EPS8L2: variants seen among roughly 807,000 people sequenced by gnomAD.
The protein encoded by EPS8L2 is EPS8 signaling adaptor L2, also known as epidermal growth factor receptor kinase substrate 8-like protein 2.
In EPS8L2, 81 loss-of-function variants were observed where a neutral mutation model predicts 99.4. The observed-to-expected ratio is 0.82, with a 90% confidence interval of 0.68 to 0.98. The LOEUF (loss-of-function observed/expected upper bound fraction) is 0.98, where lower values mean the gene tolerates loss of function less well. Ranked by LOEUF, EPS8L2 falls within the 50% of genes least tolerant of loss-of-function variation. EPS8L2 has a pLI of 0.00. For synonymous variants in EPS8L2, 509 were observed against 407.3 expected, an observed-to-expected ratio of 1.25 and a Z score of -3.01; for missense variants, 1,155 against 968.8, an observed-to-expected ratio of 1.19 and a Z score of -2.55.
At chr11:718,814 G>A (rs1262803131) in intron 4 of EPS8L2, among the ~76,000 whole-genome samples, 14 of 151,330 alleles carry the variant, frequency 9.3e-5, no homozygotes, top group South Asian at 6.3e-4. Context: ...GACTATAGGC[G>A]CCTGCCACCA....
Position 724,634 on chromosome 11 carries a change from C to T in EPS8L2, c.1455-90C>T. 1.2e-6 allele frequency: 1 copy of T among 859,358 alleles called. No individual in the cohort carries two copies. Among genetic ancestry groups the T allele is most frequent in the Middle Eastern group, 2.3e-4 (1 of 4,414 alleles). 53.2% of individuals were successfully genotyped at this position (859,358 alleles called of 1,614,324 possible). ...AACAGAAAAGAGGCAGCCAGTCGTG[C>T]ACCTGGGAAGCTGCTGCCCCCCAGC... On this transcript the variant is annotated intron_variant, in intron 15 of 20. Coordinates refer to ENST00000318562, the MANE Select transcript of EPS8L2 (RefSeq NM_022772.4). The surrounding 1 kb of genome is among the most constrained non-coding windows in gnomAD (Gnocchi z 5.5).
Position 722,799 on chromosome 11 carries a change from C to T in EPS8L2, c.1335C>T (p.Ile445=), listed in dbSNP as rs1455851809. The change falls in exon 14 of 21, where the codon ATC becomes ATT. Residue 445 remains isoleucine, a synonymous_variant. Transcript: ENST00000318562. ...WEVEGLASAP[I]EEVSPVSRQS... ...TGGAGGGGCTGGCGTCTGCCCCCAT[C>T]GAGGAGGTGAGAGCACCAGCAGCCC... 95 of 1,573,366 alleles carry T rather than the reference C, an allele frequency of 6.0e-5. No homozygotes were observed. The highest frequency in any genetic ancestry group is 1.7e-4 in the Middle Eastern group (1 of 5,838).
At chr11:709,800 C>G (rs139820262) in intron 3 of EPS8L2, 192 bp downstream of exon 3, 5 of 625,888 alleles carry the variant, frequency 8.0e-6, no homozygotes, top group Non-Finnish European at 1.4e-5. Flanking sequence ...CCCCCACACC[C>G]GTAAGGGGAG....
intron 4 of EPS8L2, 99 bp from the exon 5 acceptor site, chr11:719,963 T>TGGCTGTGGCCCCTCAGCCCCTCA: frequency 1.6e-6 from 2 of 1,228,346 alleles, no homozygotes; most frequent in South Asian, 3.0e-5. Context: ...TACCCAGGGT[T>TGGCTGTGGCCCCTCAGCCCCTCA]GGCTGTGGCC....
At position 726,667 on chromosome 11, in the gene EPS8L2, C is replaced by T. The variant is rs1238981552; in HGVS notation, c.1983C>T (p.Leu661=). 2.5e-6 allele frequency: 4 copies of T among 1,570,342 alleles called. No homozygotes were observed. The highest frequency in any genetic ancestry group is 1.9e-5 in the Admixed American group (1 of 52,850). ...TGACCGGGCCGCAGCTCTTCTCCCT[C>T]AACAAGGAGGAGCTGAAGAAAGTGT... is the stretch of plus-strand genomic sequence containing the variant. ...GILTGPQLFS[L]NKEELKKVCG... is the part of the protein sequence containing the mutation. The change falls in exon 20 of 21, where the codon CTC becomes CTT. Residue 661 remains leucine (L), a synonymous_variant. Transcript: ENST00000318562.
rs756437745 is a variant in EPS8L2 at position 726,936 on chromosome 11, G to C, written c.2103G>C (p.Met701Ile). ...GTGGGTCGGAGCTGGAAGAACTCAT[G>C]AACAAGTTTCATTCCATGAATCAGA... The part of the protein sequence containing the change: ...QQSGSELEEL[M>I]NKFHSMNQRR... Residue 701 changes from methionine (M) to isoleucine (I), a missense_variant, in exon 21 of 21, where the codon ATG (methionine) becomes ATC (isoleucine). By Grantham distance (10) the Met-to-Ile change is conservative. Transcript: ENST00000318562. 1 of 1,613,446 alleles carries C rather than the reference G, an allele frequency of 6.2e-7. No homozygotes were observed. The highest frequency in any genetic ancestry group is 8.5e-7 in the Non-Finnish European group (1 of 1,179,928).
rs778268694 is a variant in EPS8L2, at chr11:724,682, A to T, written c.1455-42A>T. 1 of 1,429,572 alleles carries T rather than the reference A, an allele frequency of 7.0e-7. No homozygotes were observed. Among genetic ancestry groups the T allele is most frequent in the East Asian group, 2.3e-5 (1 of 43,988 alleles). The allele number at this position is 1,429,572 out of a possible 1,614,324, so 88.6% of individuals were successfully genotyped here. On this transcript the variant is annotated intron_variant, in intron 15 of 20. Coordinates refer to ENST00000318562, the MANE Select transcript of EPS8L2 (RefSeq NM_022772.4). The surrounding 1 kb of genome is among the most constrained non-coding windows in gnomAD (Gnocchi z 5.5). Reference sequence around the variant, plus strand: ...AGCCACTGCCCAGGTCTCAGAGGAGACCCCCACCAGACTGGGCCTCAGCCC... The same window carrying T: ...AGCCACTGCCCAGGTCTCAGAGGAGTCCCCCACCAGACTGGGCCTCAGCCC...
At chr11:719,822 C>G (rs72844768) in intron 4 of EPS8L2, among the ~76,000 whole-genome samples, 1 of 152,106 alleles carries the variant, frequency 6.6e-6, no homozygotes, top group Non-Finnish European at 1.5e-5. Flanking sequence ...GATGGTGGCG[C>G]GGGGCCGGGC....
intron 1 of EPS8L2, among the ~76,000 whole-genome samples, chr11:707,101 G>A (rs1429737385): frequency 1.3e-5 from 2 of 151,532 alleles, no homozygotes; most frequent in African/African-American, 2.4e-5. Flanking sequence ...AGGCCCAGCT[G>A]GCGGCGGCCC....
At chr11:710,370 G>C in intron 3 of EPS8L2, 52 bp from the exon 4 acceptor site, 1 of 1,577,194 alleles carries the variant, frequency 6.3e-7, no homozygotes, top group Non-Finnish European at 8.7e-7. Context: ...CAACTGGACG[G>C]GAGGCTGTGG....
In EPS8L2 at chr11:706,256, G is replaced by A. The variant is rs1048394925; in HGVS notation, c.-111G>A. 1 of 152,058 alleles carries A rather than the reference G, an allele frequency of 6.6e-6. No individual in the cohort carries two copies. Among genetic ancestry groups the A allele is most frequent in the Non-Finnish European group, 1.5e-5 (1 of 67,974 alleles). The allele number at this position is 152,058 out of a possible 1,614,324, so 9.4% of individuals were successfully genotyped here. A position where few individuals can be genotyped will look rare whatever the true frequency, so the allele number is the denominator to read the frequency against. Reference sequence around the variant, plus strand: ...AGACGGACGCACCGGCGAGCGCCGAGGGGACAGGCCGAGCGCGGGGCGCCG... The same window carrying A: ...AGACGGACGCACCGGCGAGCGCCGAAGGGACAGGCCGAGCGCGGGGCGCCG... On this transcript the variant is annotated 5_prime_UTR_variant, in exon 1 of 21. Coordinates refer to ENST00000318562, the MANE Select transcript of EPS8L2 (RefSeq NM_022772.4).
intron 4 of EPS8L2, among the ~76,000 whole-genome samples, chr11:717,946 T>C (rs1262089818): frequency 6.6e-6 from 1 of 151,400 alleles, no homozygotes; most frequent in Non-Finnish European, 1.5e-5. Flanking sequence ...GAGGCGGAGA[T>C]TGCAGTGAGC....
intron 4 of EPS8L2, among the ~76,000 whole-genome samples, chr11:715,289 G>C (rs1187434768): frequency 1.3e-5 from 2 of 151,880 alleles, no homozygotes; most frequent in Non-Finnish European, 2.9e-5. Context: ...TTCTTCCTTA[G>C]ATATTTGTTA....
chr11:726,575 C>A, intron 19 of EPS8L2, 44 bp from the exon 20 acceptor site: 1 of 1,522,336 alleles, frequency 6.6e-7, no homozygotes, highest in Non-Finnish European at 8.8e-7. Flanking sequence ...CGCCAGGCAG[C>A]CTCGCTCACA....
At chr11:723,438 C>CA (rs1862242964) in intron 15 of EPS8L2, 85 bp downstream of exon 15, 1 of 560,376 alleles carries the variant, frequency 1.8e-6, no homozygotes, top group Non-Finnish European at 3.1e-6. Flanking sequence ...ACGCTGCCAC[C>CA]AGGTGGTGGC....
Position 723,370 on chromosome 11 carries a change from G to T in EPS8L2, c.1454+17G>T. On this transcript the variant is annotated intron_variant, in intron 15 of 20. Transcript: ENST00000318562. ...TACTCACAGGTAAGCCCCCCTCAAA[G>T]TGAGGGAGCATGAAAGTGAAACCCT... The T allele has an allele frequency of 2.5e-6, 3 of 1,176,654 alleles. No homozygotes were observed. The highest frequency in any genetic ancestry group is 3.6e-6 in the Non-Finnish European group (3 of 829,374). The allele number at this position is 1,176,654 out of a possible 1,614,324, so 72.9% of individuals were successfully genotyped here. A position where few individuals can be genotyped will look rare whatever the true frequency, so the allele number is the denominator to read the frequency against.
In EPS8L2 at chr11:719,691, G is replaced by A. The variant is rs11827550; in HGVS notation, c.166-371G>A. ...TTAGGGCAGGTCGGGATGGGGTGACGGCTGGCATTGTAGCCAGGTGGCCAC... is the reference window on the plus strand; with the variant it reads ...TTAGGGCAGGTCGGGATGGGGTGACAGCTGGCATTGTAGCCAGGTGGCCAC... On this transcript the variant is annotated intron_variant, in intron 4 of 20. Coordinates refer to ENST00000318562, the MANE Select transcript of EPS8L2 (RefSeq NM_022772.4). 4.4e-3 allele frequency among the ~76,000 whole-genome samples: 670 copies of A among 152,336 alleles called. 9 individuals carry two copies. The highest frequency in any genetic ancestry group is 0.015 in the African/African-American group (635 of 41,570).
rs1327849729 is a variant in EPS8L2, at chr11:722,118, C to T, written c.1012C>T (p.Pro338Ser). The T allele has an allele frequency of 1.2e-6, 2 of 1,612,910 alleles. No homozygotes were observed. Among genetic ancestry groups the T allele is most frequent in the African/African-American group, 2.7e-5 (2 of 74,936 alleles). ...AAAGCTGCAGAAGCACATCCAGAACCCCAGCGCCGCGGAGCTCGTGCACTT... is the reference window on the plus strand; with the variant it reads ...AAAGCTGCAGAAGCACATCCAGAACTCCAGCGCCGCGGAGCTCGTGCACTT... ...LAKLQKHIQN[P>S]SAAELVHFLF... Residue 338 changes from proline to serine, a missense_variant, in exon 12 of 21, where the codon CCC becomes TCC. Physicochemically the swap from Pro to Ser is moderately conservative, Grantham distance 74 (BLOSUM62 -1). Transcript: ENST00000318562.
At chr11:720,805 G>A (rs1308581427) in intron 6 of EPS8L2, 25 bp from the exon 7 acceptor site, 1 of 1,543,446 alleles carries the variant, frequency 6.5e-7, no homozygotes, top group Non-Finnish European at 8.7e-7. Flanking sequence ...CCGCCCTCCT[G>A]GCCGCCTGAC....
Sources: allele counts gnomAD v4.1 joint callset (sites outside exome capture counted in the v4.1 genomes callset), GRCh38; gene constraint gnomAD v4.1.1; non-coding constraint Gnocchi (gnomAD v3.1); transcripts MANE v1.5; gene names NCBI Gene and HGNC (gene_info 2026-07-23, HGNC 2026-07-21).